Variants in VRK2 observed in about 807,000 individuals in gnomAD.
The protein encoded by VRK2 is serine/threonine-protein kinase VRK2.
A neutral mutation model predicts 57.6 loss-of-function variants in VRK2; 60 were observed. The ratio of observed to expected loss-of-function variants is 1.04; its 90% CI spans 0.85 to 1.29. The LOEUF is 1.29. Among genes scored for constraint, VRK2 ranks in the 50% most tolerant of loss-of-function variants. VRK2 has a pLI of 0.00. For missense variants in VRK2, 705 were observed against 588.1 expected (o/e 1.20, Z -2.06); for synonymous variants, 231 against 199.2 (o/e 1.16, Z -1.35).
chr2:58,124,358 T>C (rs1677985610), intron 8 of VRK2, among the ~76,000 whole-genome samples: 2 of 152,236 alleles, frequency 1.3e-5, no homozygotes, highest in Admixed American at 1.3e-4. Flanking sequence ...TTAGTTGCTC[T>C]GTCAGCAACA....
chr2:57,965,022 T>A (rs529332857), intron 1 of VRK2, among the ~76,000 whole-genome samples: 1 of 152,260 alleles, frequency 6.6e-6, no homozygotes, highest in African/African-American at 2.4e-5. Context: ...TACATATTTG[T>A]TGAATACATA....
intron 1 of VRK2, among the ~76,000 whole-genome samples, chr2:58,020,248 T>C (rs953351581): frequency 2.0e-5 from 3 of 152,220 alleles, no homozygotes; most frequent in African/African-American, 7.2e-5. Context: ...TCTTGCTCTG[T>C]TGTCCCGGCC....
At chr2:58,118,512 T>G (rs1453321040) in intron 7 of VRK2, among the ~76,000 whole-genome samples, 1 of 152,006 alleles carries the variant, frequency 6.6e-6, no homozygotes, top group Non-Finnish European at 1.5e-5. Flanking sequence ...TGAGGGATAG[T>G]GAGGGAAGCT....
At chr2:57,914,250 T>C (rs1374957761) in intron 1 of VRK2, among the ~76,000 whole-genome samples, 2 of 70,106 alleles carry the variant, frequency 2.9e-5, no homozygotes, top group South Asian at 5.0e-4. Flanking sequence ...TTAACCTTAC[T>C]TTTTTTTTTT....
chr2:58,135,074 G>A (rs1233401670), intron 9 of VRK2, 67 bp from the exon 10 acceptor site: 1 of 1,568,472 alleles, frequency 6.4e-7, no homozygotes, highest in Non-Finnish European at 8.7e-7. Context: ...AGAGTGTTTT[G>A]TTTTCTAGTC....
intron 2 of VRK2, among the ~76,000 whole-genome samples, chr2:58,064,559 A>C (rs1668367942): frequency 6.6e-6 from 1 of 152,176 alleles, no homozygotes; most frequent in Admixed American, 6.6e-5. Context: ...TAGTGTAAAT[A>C]TAACTTTTAT....
At chr2:58,072,027 T>C (rs1452373358) in intron 2 of VRK2, among the ~76,000 whole-genome samples, 1 of 151,966 alleles carries the variant, frequency 6.6e-6, no homozygotes, top group Non-Finnish European at 1.5e-5. Context: ...ATTTCTTTTT[T>C]GGTGCTAATT....
At chr2:57,984,435 T>C (rs574334345) in intron 1 of VRK2, among the ~76,000 whole-genome samples, 1 of 152,228 alleles carries the variant, frequency 6.6e-6, no homozygotes, top group Admixed American at 6.5e-5. Context: ...GAGTGGGAAA[T>C]ATGTCAATAC....
intron 8 of VRK2, among the ~76,000 whole-genome samples, chr2:58,129,558 A>G (rs1212859593): frequency 6.6e-6 from 1 of 152,254 alleles, no homozygotes; most frequent in African/African-American, 2.4e-5. Context: ...GTCTCAGACT[A>G]TAATCAATTC....
chr2:57,941,099 GA>G (rs1189122978), intron 1 of VRK2, among the ~76,000 whole-genome samples: 1 of 152,110 alleles, frequency 6.6e-6, no homozygotes, highest in Admixed American at 6.5e-5. Flanking sequence ...CAGTTTCCTA[GA>G]AAAACTTTAA....
intron 1 of VRK2, among the ~76,000 whole-genome samples, chr2:57,947,719 T>C (rs567721863): frequency 6.6e-6 from 1 of 152,218 alleles, no homozygotes; most frequent in African/African-American, 2.4e-5. Flanking sequence ...ACCTGTTGCC[T>C]GACTCACACT....
chr2:57,974,640 A>G (rs934454984), intron 1 of VRK2, among the ~76,000 whole-genome samples: 1 of 151,934 alleles, frequency 6.6e-6, no homozygotes, highest in African/African-American at 2.4e-5. Flanking sequence ...ATAAAGGCAA[A>G]GCCACTTCAG....
chr2:58,128,195 G>T (rs1678648159), intron 8 of VRK2, among the ~76,000 whole-genome samples: 1 of 152,134 alleles, frequency 6.6e-6, no homozygotes, highest in African/African-American at 2.4e-5. Flanking sequence ...TTTATTCCTT[G>T]CCAAAACAAC....
intron 1 of VRK2, among the ~76,000 whole-genome samples, chr2:57,951,395 G>C (rs1159527477): frequency 2.6e-5 from 4 of 152,176 alleles, no homozygotes; most frequent in African/African-American, 9.7e-5. Flanking sequence ...TCTACTCCTA[G>C]TGAAGATACT....
chr2:57,915,164 C>G (rs1025361104), intron 1 of VRK2, among the ~76,000 whole-genome samples: 1 of 151,970 alleles, frequency 6.6e-6, no homozygotes, highest in Non-Finnish European at 1.5e-5. Flanking sequence ...TACCTCAAAA[C>G]CAAAAAGACT....
At chr2:58,019,311 AATAAGT>A (rs1208231880) in intron 1 of VRK2, among the ~76,000 whole-genome samples, 4 of 152,196 alleles carry the variant, frequency 2.6e-5, no homozygotes, top group African/African-American at 9.7e-5. Context: ...AAGACTAATT[AATAAGT>A]ATATCCGCTT....
At chr2:58,118,930 G>A (rs906480853) in intron 7 of VRK2, among the ~76,000 whole-genome samples, 2 of 152,178 alleles carry the variant, frequency 1.3e-5, no homozygotes, top group African/African-American at 2.4e-5. Context: ...TAGCTTCTGA[G>A]CCAGGAGAAG....
intron 7 of VRK2, among the ~76,000 whole-genome samples, chr2:58,120,618 CAACTT>C (rs1677330619): frequency 6.6e-6 from 1 of 152,194 alleles, no homozygotes; most frequent in African/African-American, 2.4e-5. Context: ...TAGCTTGACA[CAACTT>C]GACAGTCTTC....
intron 11 of VRK2, among the ~76,000 whole-genome samples, chr2:58,142,466 T>C (rs964769705): frequency 6.6e-6 from 1 of 151,794 alleles, no homozygotes; most frequent in Non-Finnish European, 1.5e-5. Context: ...TATTGATATT[T>C]TTTTCATGAA....
Sources: gnomAD v4.1 joint callset for allele counts (sites outside exome capture counted in the v4.1 genomes callset) on GRCh38, gnomAD v4.1.1 for gene constraint, MANE v1.5 for transcripts, NCBI Gene and HGNC (gene_info 2026-07-23, HGNC 2026-07-21) for gene names.